The following NDUFAF5 variants were observed in gnomAD, a reference collection of about 807,000 sequenced individuals.
The protein encoded by NDUFAF5 is NADH:ubiquinone oxidoreductase complex assembly factor 5.
A neutral mutation model predicts 48.9 loss-of-function variants in NDUFAF5; 34 were observed. That is an observed-to-expected ratio of 0.70 (90% CI 0.53 to 0.93). NDUFAF5 has a LOEUF of 0.93. Ranked by LOEUF, NDUFAF5 falls within the 40% of genes least tolerant of loss-of-function variation. The pLI is 0.00. For missense variants in NDUFAF5, 428 were observed against 427.5 expected, an observed-to-expected ratio of 1.00 and a Z score of -0.01; for synonymous variants, 153 against 150.6, an observed-to-expected ratio of 1.02 and a Z score of -0.12.
chr20:13,791,299 C>T (rs548915279), intron 3 of NDUFAF5, among the ~76,000 whole-genome samples: 1 of 152,204 alleles, frequency 6.6e-6, no homozygotes, highest in African/African-American at 2.4e-5. Flanking sequence ...TCTGTGTATA[C>T]TCAGACCTTG....
At chr20:13,801,362 G>A (rs1984086898) in intron 6 of NDUFAF5, 124 bp from the exon 7 acceptor site, 5 of 561,686 alleles carry the variant, frequency 8.9e-6, no homozygotes, top group Non-Finnish European at 1.2e-5. Flanking sequence ...TAAATTATGT[G>A]ATTATTAATT....
At chr20:13,790,031 A>G (rs1018820481) in intron 3 of NDUFAF5, among the ~76,000 whole-genome samples, 1 of 152,206 alleles carries the variant, frequency 6.6e-6, no homozygotes, top group Non-Finnish European at 1.5e-5. Context: ...GGTTCCTAGC[A>G]TTGGAAATCA....
intron 7 of NDUFAF5, among the ~76,000 whole-genome samples, chr20:13,802,434 C>T (rs1159276561): frequency 6.6e-6 from 1 of 151,962 alleles, no homozygotes; most frequent in Non-Finnish European, 1.5e-5. Context: ...TTTGGGAGGC[C>T]GAGGCAAGTG....
In NDUFAF5 at chr20:13,785,078, C is replaced by T. The variant is rs770433586; in HGVS notation, c.10C>T (p.Pro4Ser). MLRPAGLWRLCRRP... is the reference protein window; with the variant it reads MLRSAGLWRLCRRP... ...GGGGTCGCAGCTGGAGATGCTGCGG[C>T]CGGCAGGGCTCTGGCGCTTATGTCG... The change falls in exon 1 of 11, where the codon CCG becomes TCG. Residue 4 changes from proline (P) to serine (S), a missense_variant. Physicochemically the swap from Pro to Ser is moderately conservative, Grantham distance 74 (BLOSUM62 -1). Coordinates refer to ENST00000378106, the MANE Select transcript of NDUFAF5 (RefSeq NM_024120.5). 1.2e-6 allele frequency: 2 copies of T among 1,611,298 alleles called. No individual in the cohort carries two copies. The highest frequency in any genetic ancestry group is 2.2e-5 in the East Asian group (1 of 44,856).
In NDUFAF5 at chr20:13,816,463, G is replaced by A; in HGVS notation, c.779G>A (p.Gly260Asp). The change falls in exon 9 of 11, where the codon GGT (glycine) becomes GAT (aspartate). Residue 260 changes from glycine (G) to aspartate (D), a missense_variant and splice_region_variant. Transcript: ENST00000378106. ...GMFELMEDLQGMGESNCAWNR... is the reference protein window; with the variant it reads ...GMFELMEDLQDMGESNCAWNR... ...CAAACTACCTGTAGTGTATTTGTAG[G>A]TATGGGTGAGAGTAACTGTGCTTGG... The A allele has an allele frequency of 6.2e-7, 1 of 1,611,654 alleles. No individual in the cohort carries two copies. Among genetic ancestry groups the A allele is most frequent in the Non-Finnish European group, 8.5e-7 (1 of 1,177,802 alleles).
At chr20:13,793,359 C>T in intron 4 of NDUFAF5, 132 bp downstream of exon 4, 1 of 855,060 alleles carries the variant, frequency 1.2e-6, no homozygotes, top group Non-Finnish European at 1.8e-6. Context: ...CAGGAAATAT[C>T]AAGAACAAAG....
chr20:13,796,434 C>T (rs1047154736), intron 5 of NDUFAF5, among the ~76,000 whole-genome samples: 10 of 152,084 alleles, frequency 6.6e-5, no homozygotes, highest in Non-Finnish European at 1.2e-4. Context: ...TTTCTGTTTT[C>T]CCATAAGTAT....
chr20:13,818,724 C>CA lies in NDUFAF5; in HGVS notation c.*1518dup, dbSNP rs1436597696. 1.2e-5 allele frequency: 2 copies of CA among 163,374 alleles called. No individual in the cohort carries two copies. Among genetic ancestry groups the CA allele is most frequent in the African/African-American group, 4.8e-5 (2 of 41,582 alleles). 10.1% of individuals were successfully genotyped at this position (163,374 alleles called of 1,614,324 possible). On this transcript the variant is annotated 3_prime_UTR_variant, in exon 11 of 11. Transcript: ENST00000378106. ...GGTAAATTCCAGGGGTCTATATTTC[C>CA]AAAAGGACATGTGTTTTTGTGCACT...
chr20:13,799,163 A>G (rs913209701), intron 6 of NDUFAF5, among the ~76,000 whole-genome samples: 1 of 152,138 alleles, frequency 6.6e-6, no homozygotes, highest in Admixed American at 6.5e-5. Context: ...CTGGGAAGTG[A>G]GGTGTGATGT....
At chr20:13,785,378 C>T (rs1980851197) in intron 1 of NDUFAF5, 88 bp downstream of exon 1, 1 of 1,146,646 alleles carries the variant, frequency 8.7e-7, no homozygotes, top group Non-Finnish European at 1.2e-6. Context: ...CCCGAGCTCA[C>T]CCCACCTAGC....
intron 3 of NDUFAF5, among the ~76,000 whole-genome samples, chr20:13,790,098 T>G (rs1823717533): frequency 6.6e-6 from 1 of 152,048 alleles, no homozygotes; most frequent in East Asian, 1.9e-4. Flanking sequence ...GATATAGTGA[T>G]GTTTAAGGAA....
chr20:13,799,347 C>T (rs1276854604), intron 6 of NDUFAF5, among the ~76,000 whole-genome samples: 1 of 152,122 alleles, frequency 6.6e-6, no homozygotes, highest in African/African-American at 2.4e-5. Context: ...CGTTACTGTG[C>T]TCTGTTTTAT....
chr20:13,809,828 G>A (rs908094815), intron 8 of NDUFAF5, among the ~76,000 whole-genome samples: 1 of 152,204 alleles, frequency 6.6e-6, no homozygotes, highest in African/African-American at 2.4e-5. Context: ...AGATGTTTAG[G>A]AGATAAATTT....
At chr20:13,808,777 CTT>C (rs1165949391) in intron 7 of NDUFAF5, 63 bp from the exon 8 acceptor site, 41 of 1,160,958 alleles carry the variant, frequency 3.5e-5, no homozygotes, top group Non-Finnish European at 4.7e-5. Context: ...TCTGCGGCCT[CTT>C]TTTTAAATCT....
In NDUFAF5 at chr20:13,798,350, T is replaced by C. The variant is rs878973927; in HGVS notation, c.480-111T>C. 9.9e-6 allele frequency: 8 copies of C among 811,294 alleles called. No individual in the cohort carries two copies. The African/African-American group carries it at 1.0e-4, about 10-fold the overall frequency. 50.3% of individuals were successfully genotyped at this position (811,294 alleles called of 1,614,324 possible). On this transcript the variant is annotated intron_variant, in intron 5 of 10. Coordinates refer to ENST00000378106, the MANE Select transcript of NDUFAF5 (RefSeq NM_024120.5). ...ACGATCAGTGGATTTGGATATGCAG[T>C]TTTAAACTTCAAAATTAACACCTTT... is the stretch of plus-strand genomic sequence containing the variant.
intron 7 of NDUFAF5, among the ~76,000 whole-genome samples, chr20:13,803,925 A>G (rs887073283): frequency 1.3e-5 from 2 of 152,044 alleles, no homozygotes; most frequent in Non-Finnish European, 2.9e-5. Context: ...AGCTGGGATT[A>G]CAGGCACGTG....
At position 13,815,788 on chromosome 20, in the gene NDUFAF5, A is replaced by G. The variant is rs576021958; in HGVS notation, c.779-675A>G. On this transcript the variant is annotated intron_variant, in intron 8 of 10. Transcript: ENST00000378106. Reference sequence around the variant, plus strand: ...GCTCAAAGTAAATTTAAGTATTTGTATAAAGAAAAATCAAATATACAACAT... The same window carrying G: ...GCTCAAAGTAAATTTAAGTATTTGTGTAAAGAAAAATCAAATATACAACAT... Among the ~76,000 whole-genome samples the G allele has an allele frequency of 2.8e-4, 42 of 152,324 alleles. 1 individual carries two copies. The highest frequency in any genetic ancestry group is 4.0e-4 in the Non-Finnish European group (27 of 68,024).
At chr20:13,787,587 C>T (rs1488729665) in intron 2 of NDUFAF5, among the ~76,000 whole-genome samples, 1 of 152,172 alleles carries the variant, frequency 6.6e-6, no homozygotes, top group African/African-American at 2.4e-5. Flanking sequence ...ATCTCCAAGC[C>T]TGAATCCACT....
intron 7 of NDUFAF5, 49 bp from the exon 8 acceptor site, chr20:13,808,793 A>ATT: frequency 7.6e-7 from 1 of 1,318,440 alleles, no homozygotes; most frequent in Non-Finnish European, 1.1e-6. Flanking sequence ...TAAATCTGGA[A>ATT]TTTTGTATCA....
Sources: allele counts gnomAD v4.1 joint callset (sites outside exome capture counted in the v4.1 genomes callset), GRCh38; gene constraint gnomAD v4.1.1; transcripts MANE v1.5; gene names NCBI Gene and HGNC (gene_info 2026-07-23, HGNC 2026-07-21).